Variants in PRAMEF4 observed in about 807,000 individuals in gnomAD.
PRAMEF4 encodes the protein RP5-845O24.6.
PRAMEF4 carries 18 observed loss-of-function variants against 34.4 expected under a neutral mutation model. The ratio of observed to expected loss-of-function variants is 0.52; its 90% confidence interval spans 0.36 to 0.78. The LOEUF is 0.78. Ranked by LOEUF, PRAMEF4 falls within the 30% of genes least tolerant of loss-of-function variation. The pLI is 0.00. For synonymous variants in PRAMEF4, 156 were observed against 219.3 expected, an observed-to-expected ratio of 0.71 and a Z score of 2.55; for missense variants, 482 against 569.1, an observed-to-expected ratio of 0.85 and a Z score of 1.56.
At chr1:12,882,491 C>A (rs1640910907) in intron 2 of PRAMEF4, 56 bp from the exon 3 acceptor site, 5 of 1,575,690 alleles carry the variant, frequency 3.2e-6, no homozygotes, top group Non-Finnish European at 4.3e-6. Flanking sequence ...TGAACTTAAA[C>A]TCCACATCCT....
intron 3 of PRAMEF4, among the ~76,000 whole-genome samples, chr1:12,881,006 A>T (rs556739313): frequency 6.8e-6 from 1 of 147,968 alleles, no homozygotes; most frequent in East Asian, 2.0e-4. Context: ...TGACAAGTGC[A>T]GGTTTGCTGA....
At chr1:12,880,445 G>C (rs4393169) in intron 3 of PRAMEF4, among the ~76,000 whole-genome samples, 2,946 of 144,098 alleles carry the variant, frequency 0.02, 7 homozygotes, top group East Asian at 0.082. Context: ...GTGTGGTGGG[G>C]GGAGCCTGCA....
At chr1:12,884,342 C>G (rs1463679353) in intron 1 of PRAMEF4, among the ~76,000 whole-genome samples, 2 of 149,314 alleles carry the variant, frequency 1.3e-5, no homozygotes, top group African/African-American at 5.0e-5. Context: ...CAGTGAGAAG[C>G]TTTGAAAGCT....
At chr1:12,881,123 T>G (rs55675944) in intron 3 of PRAMEF4, among the ~76,000 whole-genome samples, 19,774 of 147,514 alleles carry the variant, frequency 0.13, 2,711 homozygotes, top group African/African-American at 0.21. Context: ...CCCAGCACTT[T>G]GGGAGTCCAT....
chr1:12,880,831 T>A (rs1282557188), intron 3 of PRAMEF4, among the ~76,000 whole-genome samples: 1 of 146,112 alleles, frequency 6.8e-6, no homozygotes, highest in African/African-American at 2.6e-5. Context: ...GCAAACCATC[T>A]ATCACTTTCA....
Position 12,880,021 on chromosome 1 carries a change from CG to C in PRAMEF4, c.959del (p.Pro320ArgfsTer6). On this transcript the variant is annotated frameshift_variant, in exon 4 of 4. Transcript: ENST00000235349. LOFTEE classifies it high-confidence loss of function. ...CCAGGGTCTTTAGTTGACTGATACT[CG>C]GGCACTGGGATAGATGCTTCAAGTC... ...ESDLKHLSQCPSISQLKTLDL... is the reference protein window; with the variant it reads ...ESDLKHLSQCXSISQLKTLDL... 6.3e-7 allele frequency: 1 copy of C among 1,596,448 alleles called. No homozygotes were observed. The highest frequency in any genetic ancestry group is 8.5e-7 in the Non-Finnish European group (1 of 1,169,616).
intron 3 of PRAMEF4, 72 bp downstream of exon 3, chr1:12,881,782 T>C (rs1640893628): frequency 6.3e-7 from 1 of 1,593,694 alleles, no homozygotes; most frequent in Non-Finnish European, 8.5e-7. Flanking sequence ...TGGCTCACAG[T>C]AGATGCCCAC....
At chr1:12,881,161 T>A (rs528080683) in intron 3 of PRAMEF4, among the ~76,000 whole-genome samples, 1 of 147,314 alleles carries the variant, frequency 6.8e-6, no homozygotes, top group Non-Finnish European at 1.5e-5. Context: ...AAGTCAGGAG[T>A]TGGAGAATAA....
chr1:12,880,833 T>C (rs1352220238), intron 3 of PRAMEF4, among the ~76,000 whole-genome samples: 4 of 146,112 alleles, frequency 2.7e-5, no homozygotes, highest in East Asian at 2.0e-4. Context: ...AAACCATCTA[T>C]CACTTTCACC....
chr1:12,884,518 G>C (rs1195363019), intron 1 of PRAMEF4, among the ~76,000 whole-genome samples: 1 of 147,918 alleles, frequency 6.8e-6, no homozygotes, highest in African/African-American at 2.5e-5. Context: ...AATTCAAGAC[G>C]AGCCTGGCCA....
rs762309084 is a variant in PRAMEF4, at chr1:12,883,285, A to G, written c.110T>C (p.Leu37Pro). ...GGCCTCCATGAACAGTGGGGGGAAA[A>G]GTTCTGTGGGCAGCTCCTCCAGGGT... ...MSTLEELPTE[L>P]FPPLFMEAFS... The change falls in exon 2 of 4, where the codon CTT becomes CCT. Residue 37 changes from leucine to proline, a missense_variant. Leu to Pro is a moderately conservative substitution (Grantham distance 98, BLOSUM62 -3). Transcript: ENST00000235349. 5.0e-6 allele frequency: 8 copies of G among 1,599,336 alleles called. 1 individual carries two copies. The South Asian group carries it at 8.9e-5, about 18-fold the overall frequency.
chr1:12,880,799 C>T (rs1264501179), intron 3 of PRAMEF4, among the ~76,000 whole-genome samples: 1 of 146,124 alleles, frequency 6.8e-6, no homozygotes, highest in Non-Finnish European at 1.5e-5. Flanking sequence ...CTGCAGGCGT[C>T]CCTGACATGC....
chr1:12,880,858 C>A (rs1257169383), intron 3 of PRAMEF4, among the ~76,000 whole-genome samples: 1 of 145,744 alleles, frequency 6.9e-6, no homozygotes, highest in South Asian at 2.2e-4. Context: ...TTTGTGCCTG[C>A]ACCCTGACCC....
Position 12,882,011 on chromosome 1 carries a change from T to G in PRAMEF4, c.718A>C (p.Ile240Leu), listed in dbSNP as rs778656424. The change falls in exon 3 of 4, where the codon ATT becomes CTT. Residue 240 changes from isoleucine (I) to leucine (L), a missense_variant. This residue lies in a region of PRAMEF4 where 81 missense variants were observed against 73.1 expected (regional missense o/e 1.11). Coordinates refer to ENST00000235349, the MANE Select transcript of PRAMEF4 (RefSeq NM_001009611.4). ...LGHMRNLQKL[I>L]LSHMDVSRYV... The stretch of plus-strand genomic sequence containing the variant: ...CGAGAGACATCCATGTGGGAGAGAA[T>G]GAGTTTCTGAAGATTCCTCATGTGG... 1.2e-5 allele frequency: 19 copies of G among 1,590,544 alleles called. 3 individuals are homozygous for G. In the African/African-American group the frequency reaches 2.2e-4, roughly 19 times the overall value.
chr1:12,884,400 C>G (rs79029958), intron 1 of PRAMEF4, among the ~76,000 whole-genome samples: 16,960 of 149,336 alleles, frequency 0.11, 1,594 homozygotes, highest in African/African-American at 0.13. Context: ...TTCCAATGCA[C>G]ACTTGTTACA....
chr1:12,882,591 T>C (rs553809465), intron 2 of PRAMEF4, among the ~76,000 whole-genome samples, 156 bp from the exon 3 acceptor site: 1 of 147,516 alleles, frequency 6.8e-6, no homozygotes, highest in Admixed American at 7.0e-5. Flanking sequence ...CACTTCCACA[T>C]TGTTTTGTTT....
chr1:12,882,685 G>T (rs1640915657), intron 2 of PRAMEF4, among the ~76,000 whole-genome samples: 1 of 147,654 alleles, frequency 6.8e-6, no homozygotes, highest in Non-Finnish European at 1.5e-5. Flanking sequence ...CTGCTTCCCA[G>T]ATTCAAATGA....
intron 3 of PRAMEF4, among the ~76,000 whole-genome samples, chr1:12,881,065 T>G (rs1395344779): frequency 1.3e-5 from 2 of 148,328 alleles, no homozygotes; most frequent in Admixed American, 6.9e-5. Flanking sequence ...CACATCATCT[T>G]CTTAAAAATT....
Position 12,883,237 on chromosome 1 carries a change from G to A in PRAMEF4, c.158C>T (p.Ala53Val), listed in dbSNP as rs768129767. The A allele has an allele frequency of 1.4e-5, 23 of 1,598,568 alleles. 1 individual carries two copies. Among genetic ancestry groups the A allele is most frequent in the Non-Finnish European group, 1.7e-5 (20 of 1,172,758 alleles). The change falls in exon 2 of 4, where the codon GCC becomes GTC. Residue 53 changes from alanine to valine, a missense_variant. Ala to Val is a moderately conservative substitution (Grantham distance 64, BLOSUM62 0). Around this residue, in one of 6 missense-constraint regions of PRAMEF4, gnomAD observed 172 missense variants for 130.2 expected, o/e 1.32. Transcript: ENST00000235349. ...MEAFSRRRCE[A>V]LKLMVQSWPF... Reference sequence around the variant, plus strand: ...CCAGGACTGCACCATCAGCTTCAGGGCCTCACAGCGTCTCCTGCTGAAGGC... The same window carrying A: ...CCAGGACTGCACCATCAGCTTCAGGACCTCACAGCGTCTCCTGCTGAAGGC...
Sources: gnomAD v4.1 joint callset for allele counts (sites outside exome capture counted in the v4.1 genomes callset) on GRCh38, gnomAD v4.1.1 for gene constraint, gnomAD v4.1.1 regional missense constraint, MANE v1.5 for transcripts, NCBI Gene and HGNC (gene_info 2026-07-23, HGNC 2026-07-21) for gene names.